Variants in DRC1 observed in about 807,000 individuals in gnomAD.
The protein encoded by DRC1 is dynein regulatory complex subunit 1.
A neutral mutation model predicts 98.7 loss-of-function variants in DRC1; 74 were observed. That is an observed-to-expected ratio of 0.75 (90% CI 0.62 to 0.91). The LOEUF is 0.91. Ranked by LOEUF, DRC1 falls within the 40% of genes least tolerant of loss-of-function variation. The probability of loss-of-function intolerance (pLI) is 0.00; values close to 1 mark genes in which losing one functional copy is unlikely to be tolerated. For missense variants in DRC1, 875 were observed against 886.0 expected (o/e 0.99, Z 0.16); for synonymous variants, 336 against 334.1 (o/e 1.01, Z -0.06).
At chr2:26,412,376 G>A (rs1239882657) in intron 1 of DRC1, among the ~76,000 whole-genome samples, 1 of 152,072 alleles carries the variant, frequency 6.6e-6, no homozygotes, top group Middle Eastern at 3.2e-3. Flanking sequence ...CTCAAAAAAC[G>A]AAATGAAACC....
intron 1 of DRC1, among the ~76,000 whole-genome samples, chr2:26,409,225 T>C (rs12989069): frequency 0.97 from 148,288 of 152,258 alleles, 72,294 homozygotes; most frequent in Non-Finnish European, 1. Context: ...GCCACTGTGC[T>C]CAGCCCCATC....
At chr2:26,439,733 C>G (rs2147997376) in intron 7 of DRC1, among the ~76,000 whole-genome samples, 1 of 151,438 alleles carries the variant, frequency 6.6e-6, no homozygotes, top group East Asian at 1.9e-4. Flanking sequence ...TGTGTGATCT[C>G]TCTTAGGCTT....
intron 1 of DRC1, among the ~76,000 whole-genome samples, chr2:26,413,980 C>T (rs1394701231): frequency 2.6e-5 from 4 of 151,712 alleles, no homozygotes; most frequent in African/African-American, 9.7e-5. Context: ...TGGTCTCAAA[C>T]TCCTGATTTA....
chr2:26,414,273 G>A, intron 1 of DRC1, 71 bp from the exon 2 acceptor site: 1 of 1,538,880 alleles, frequency 6.5e-7, no homozygotes, highest in Non-Finnish European at 8.9e-7. Flanking sequence ...TACTGTGCCA[G>A]GCCAAAACCT....
At chr2:26,418,553 A>AT (rs1678893333) in intron 2 of DRC1, among the ~76,000 whole-genome samples, 1 of 111,774 alleles carries the variant, frequency 8.9e-6, no homozygotes, top group Non-Finnish European at 1.7e-5. Flanking sequence ...TAAATTATAT[A>AT]TAATTTATAT....
intron 7 of DRC1, among the ~76,000 whole-genome samples, chr2:26,439,210 C>T (rs1050673603): frequency 9.6e-4 from 146 of 152,238 alleles, no homozygotes; most frequent in African/African-American, 3.4e-3. Flanking sequence ...CTAGAGCGCT[C>T]TCCCTTCAGG....
intron 16 of DRC1, 110 bp downstream of exon 16, chr2:26,455,343 GC>G: frequency 1.0e-6 from 1 of 995,926 alleles, no homozygotes; most frequent in Non-Finnish European, 1.5e-6. Context: ...AGGCAAGGGA[GC>G]TTTGTGATAT....
rs756459461 is a variant in DRC1 at position 26,429,761 on chromosome 2, T to A, written c.674T>A (p.Ile225Asn). ...ACCTTTCGTGAGGAGCTCTATAACA[T>A]TGAGGTAACAGGGTGTGAAAAGACC... ...MKTFREELYN[I>N]EKAFEVERQE... The change falls in exon 5 of 17, where the codon ATT (isoleucine) becomes AAT (asparagine). Residue 225 changes from isoleucine to asparagine, a missense_variant. Ile to Asn is a moderately radical substitution (Grantham distance 149). Coordinates refer to ENST00000288710, the MANE Select transcript of DRC1 (RefSeq NM_145038.5). The A allele has an allele frequency of 3.1e-6, 5 of 1,614,004 alleles. No individual in the cohort carries two copies. Among genetic ancestry groups the A allele is most frequent in the East Asian group, 2.2e-5 (1 of 44,882 alleles).
intron 1 of DRC1, among the ~76,000 whole-genome samples, chr2:26,405,925 G>A (rs1678409091): frequency 6.6e-6 from 1 of 152,110 alleles, no homozygotes; most frequent in Admixed American, 6.6e-5. Flanking sequence ...CTCCCAAAGT[G>A]CTGGGATTAC....
In DRC1 at chr2:26,456,601, G is replaced by C; in HGVS notation, c.*84G>C. ...GCCAGCTCATATCACCCACTGGGCC[G>C]CACCTGGGCCTGCTCTCTGGATTTT... On this transcript the variant is annotated 3_prime_UTR_variant, in exon 17 of 17. Transcript: ENST00000288710. 1 of 1,530,564 alleles carries C rather than the reference G, an allele frequency of 6.5e-7. No individual in the cohort carries two copies. Among genetic ancestry groups the C allele is most frequent in the South Asian group, 1.1e-5 (1 of 88,164 alleles). 94.8% of individuals were successfully genotyped at this position (1,530,564 alleles called of 1,614,324 possible). A position where few individuals can be genotyped will look rare whatever the true frequency, so the allele number is the denominator to read the frequency against.
rs1170750643 is a variant in DRC1, at chr2:26,450,693, T to C, written c.1689+12T>C. ...CTTCCAGCCTCCAGGTAAGGCAAGG[T>C]GCAGAGAGAAGAAAGCATTTTCTTT... On this transcript the variant is annotated intron_variant, in intron 13 of 16. Transcript: ENST00000288710. 1 of 1,550,096 alleles carries C rather than the reference T, an allele frequency of 6.5e-7. No homozygotes were observed. The highest frequency in any genetic ancestry group is 1.7e-4 in the Middle Eastern group (1 of 5,828).
At chr2:26,420,059 A>G (rs1389262350) in intron 2 of DRC1, among the ~76,000 whole-genome samples, 4 of 152,170 alleles carry the variant, frequency 2.6e-5, no homozygotes, top group Non-Finnish European at 4.4e-5. Context: ...GGTCTGCTTG[A>G]TGATGGGACC....
chr2:26,425,259 T>C (rs1663254271), intron 4 of DRC1, among the ~76,000 whole-genome samples: 1 of 152,242 alleles, frequency 6.6e-6, no homozygotes, highest in African/African-American at 2.4e-5. Flanking sequence ...ACTGCCTTCC[T>C]TTTTAAGGCT....
At chr2:26,455,084 G>A (rs775804342) in intron 15 of DRC1, 47 bp from the exon 16 acceptor site, 3 of 1,602,814 alleles carry the variant, frequency 1.9e-6, no homozygotes, top group South Asian at 1.1e-5. Context: ...CTACTTGGCA[G>A]AGGATGGAGG....
chr2:26,424,544 G>A (rs1222575110), intron 4 of DRC1, 90 bp downstream of exon 4: 12 of 1,325,330 alleles, frequency 9.1e-6, no homozygotes, highest in East Asian at 2.4e-5. Context: ...ATGGAAAAAT[G>A]TAGAAACCTT....
At chr2:26,414,884 T>A (rs969179103) in intron 2 of DRC1, among the ~76,000 whole-genome samples, 1 of 152,070 alleles carries the variant, frequency 6.6e-6, no homozygotes, top group African/African-American at 2.4e-5. Flanking sequence ...TCTTCTTCTC[T>A]CCTCTCATCT....
In DRC1 at chr2:26,424,326, ACC is replaced by A; in HGVS notation, c.413_414del (p.Thr138IlefsTer33). Reference protein sequence around the residue: ...KTSQDKFDEITSKWEEGKQKR... With the variant: ...KTSQDKFDEIXSKWEEGKQKR... ...CAGCCAGGACAAATTCGATGAAATCACCTCAAAGTGGGAAGAGGGCAAGCAGA... is the reference window on the plus strand; with the variant it reads ...CAGCCAGGACAAATTCGATGAAATCATCAAAGTGGGAAGAGGGCAAGCAGA... On this transcript the variant is annotated frameshift_variant, in exon 4 of 17. Transcript: ENST00000288710. LOFTEE classifies it high-confidence loss of function. 6.2e-7 allele frequency: 1 copy of A among 1,614,016 alleles called. No homozygotes were observed. Among genetic ancestry groups the A allele is most frequent in the Non-Finnish European group, 8.5e-7 (1 of 1,180,018 alleles).
At chr2:26,407,390 T>A (rs1678461546) in intron 1 of DRC1, among the ~76,000 whole-genome samples, 1 of 152,128 alleles carries the variant, frequency 6.6e-6, no homozygotes, top group Admixed American at 6.5e-5. Flanking sequence ...TACTCTGCAC[T>A]AAATCCCCAA....
At chr2:26,423,524 G>A (rs4300789) in intron 3 of DRC1, among the ~76,000 whole-genome samples, 1 of 152,070 alleles carries the variant, frequency 6.6e-6, no homozygotes, top group Non-Finnish European at 1.5e-5. Context: ...CTGCCACCTC[G>A]CCCCAGCCTC....
Sources: allele counts gnomAD v4.1 joint callset (sites outside exome capture counted in the v4.1 genomes callset), GRCh38; gene constraint gnomAD v4.1.1; transcripts MANE v1.5; gene names NCBI Gene and HGNC (gene_info 2026-07-23, HGNC 2026-07-21).